Variants in RPTOR observed in about 807,000 individuals in gnomAD.
RPTOR encodes regulatory-associated protein of mTOR.
In RPTOR, 21 loss-of-function variants were observed where a neutral mutation model predicts 169.9. The observed-to-expected ratio is 0.12, with a 90% confidence interval of 0.09 to 0.18. RPTOR has a LOEUF of 0.18. RPTOR is among the 10% of genes least tolerant of loss of function. The probability of loss-of-function intolerance (pLI) is 1.00; values close to 1 mark genes in which losing one functional copy is unlikely to be tolerated. For synonymous variants in RPTOR, 732 were observed against 753.2 expected, an observed-to-expected ratio of 0.97 and a Z score of 0.46; for missense variants, 1,133 against 1,855.9, an observed-to-expected ratio of 0.61 and a Z score of 7.16.
intron 1 of RPTOR, among the ~76,000 whole-genome samples, chr17:80,615,404 A>G (rs534550179): frequency 4.6e-5 from 7 of 152,318 alleles, no homozygotes; most frequent in East Asian, 3.9e-4. Flanking sequence ...TAGCTGCAGG[A>G]GTCAGGACAC....
At chr17:80,663,552 C>T (rs1341505015) in intron 3 of RPTOR, among the ~76,000 whole-genome samples, 5 of 152,118 alleles carry the variant, frequency 3.3e-5, no homozygotes, top group African/African-American at 1.2e-4. Flanking sequence ...ACATTATTTC[C>T]CCTCAAACAG....
At chr17:80,642,948 A>G (rs1364499768) in intron 2 of RPTOR, among the ~76,000 whole-genome samples, 1 of 152,254 alleles carries the variant, frequency 6.6e-6, no homozygotes, top group African/African-American at 2.4e-5. Context: ...CTGCTCTTCT[A>G]CTAAACTTTT....
intron 1 of RPTOR, among the ~76,000 whole-genome samples, chr17:80,616,505 G>A (rs943131597): frequency 2.0e-5 from 3 of 152,054 alleles, no homozygotes; most frequent in African/African-American, 7.2e-5. Context: ...CACCATATTC[G>A]CCAGGCTGGT....
At position 80,609,133 on chromosome 17, in the gene RPTOR, C is replaced by T. The variant is rs941558419; in HGVS notation, c.163-16558C>T. 1.3e-5 allele frequency among the ~76,000 whole-genome samples: 2 copies of T among 152,138 alleles called. No homozygotes were observed. The highest frequency in any genetic ancestry group is 2.9e-5 in the Non-Finnish European group (2 of 68,010). ...CACAGCGCGACCCGTGTGGAGAGGG[C>T]ATCACTAGCCTGCCTCGGGCTGCAG... is the stretch of plus-strand genomic sequence containing the variant. On this transcript the variant is annotated intron_variant, in intron 1 of 33. Coordinates refer to ENST00000306801, the MANE Select transcript of RPTOR (RefSeq NM_020761.3). The surrounding 1 kb of genome is among the most constrained non-coding windows in gnomAD (Gnocchi z 4.8).
chr17:80,923,338 G>T, intron 22 of RPTOR, 152 bp from the exon 23 acceptor site: 2 of 811,336 alleles, frequency 2.5e-6, no homozygotes, highest in East Asian at 2.7e-5. Context: ...GCTGGGGTTC[G>T]GGAGCCATGA....
At chr17:80,818,107 T>C (rs943651580) in intron 7 of RPTOR, among the ~76,000 whole-genome samples, 1 of 152,208 alleles carries the variant, frequency 6.6e-6, no homozygotes, top group Non-Finnish European at 1.5e-5. Flanking sequence ...CTGCCACATC[T>C]GTTGTTGGAG....
rs1466918945 is a variant in RPTOR at position 80,923,501 on chromosome 17, C to T, written c.2636C>T (p.Pro879Leu). The T allele has an allele frequency of 3.7e-6, 6 of 1,613,254 alleles. No individual in the cohort carries two copies. Among genetic ancestry groups the T allele is most frequent in the Non-Finnish European group, 4.2e-6 (5 of 1,179,970 alleles). The change falls in exon 23 of 34, where the codon CCG (proline) becomes CTG (leucine). Residue 879 changes from proline (P) to leucine (L), a missense_variant. This residue lies in a region of RPTOR where 123 missense variants were observed against 129.0 expected (regional missense o/e 0.95). Coordinates refer to ENST00000306801, the MANE Select transcript of RPTOR (RefSeq NM_020761.3). Reference sequence around the variant, plus strand: ...TCTTCCAATGGCAGGGGCTCCCCTCCGGCGTCCAGCACCAGCAGCTCCAGC... The same window carrying T: ...TCTTCCAATGGCAGGGGCTCCCCTCTGGCGTCCAGCACCAGCAGCTCCAGC... ...VHIHQAGGSP[P>L]ASSTSSSSLT...
At chr17:80,916,639 C>T (rs992246420) in intron 21 of RPTOR, among the ~76,000 whole-genome samples, 2 of 152,242 alleles carry the variant, frequency 1.3e-5, no homozygotes, top group Admixed American at 1.3e-4. Flanking sequence ...GCTGGCAAAG[C>T]AATACCCCAA....
At chr17:80,743,799 ACAGCCCTGG>A in intron 5 of RPTOR, among the ~76,000 whole-genome samples, 1 of 131,294 alleles carries the variant, frequency 7.6e-6, no homozygotes, top group Non-Finnish European at 1.7e-5. Context: ...GGCTACTAGC[ACAGCCCTGG>A]CTACTAGCAG....
chr17:80,811,257 G>A (rs926334546), intron 7 of RPTOR, among the ~76,000 whole-genome samples: 11 of 152,140 alleles, frequency 7.2e-5, no homozygotes, highest in African/African-American at 2.2e-4. Context: ...GAGGAAGTGC[G>A]CTTCTAGACC....
In RPTOR at chr17:80,959,251, G is replaced by A. The variant is rs1026441752; in HGVS notation, c.3478-827G>A. Reference sequence around the variant, plus strand: ...GGGGGTCTTGCACCTGTCTGGAGCTGTGGCTCCACACGAGACGTAGCCCTC... The same window carrying A: ...GGGGGTCTTGCACCTGTCTGGAGCTATGGCTCCACACGAGACGTAGCCCTC... On this transcript the variant is annotated intron_variant, in intron 29 of 33. Transcript: ENST00000306801. This position sits in a 1 kb window ranked among gnomAD's most constrained non-coding sequence, Gnocchi z 6.7. Among the ~76,000 whole-genome samples the A allele has an allele frequency of 6.6e-6, 1 of 152,216 alleles. No individual in the cohort carries two copies. Among genetic ancestry groups the A allele is most frequent in the Admixed American group, 6.5e-5 (1 of 15,292 alleles).
intron 6 of RPTOR, among the ~76,000 whole-genome samples, chr17:80,760,592 G>C (rs1042758055): frequency 6.6e-6 from 1 of 152,104 alleles, no homozygotes; most frequent in Non-Finnish European, 1.5e-5. Context: ...ACGAGCCACC[G>C]CACCCAGCCT....
intron 6 of RPTOR, among the ~76,000 whole-genome samples, chr17:80,784,251 A>T (rs62944760): frequency 1.4e-5 from 2 of 146,024 alleles, no homozygotes; most frequent in African/African-American, 5.1e-5. Flanking sequence ...AAAAAAAAAA[A>T]CACATACTTT....
At chr17:80,706,358 A>G (rs2066141980) in intron 3 of RPTOR, among the ~76,000 whole-genome samples, 1 of 152,188 alleles carries the variant, frequency 6.6e-6, no homozygotes, top group Non-Finnish European at 1.5e-5. Flanking sequence ...AAGAGCAATG[A>G]TAGAACTGGA....
At chr17:80,884,970 G>C (rs371597114) in intron 16 of RPTOR, 38 bp from the exon 17 acceptor site, 1 of 1,592,260 alleles carries the variant, frequency 6.3e-7, no homozygotes, top group East Asian at 2.3e-5. Flanking sequence ...AGCATGGCCC[G>C]GTGTGGGACA....
chr17:80,958,755 T>C (rs1321681644), intron 29 of RPTOR, among the ~76,000 whole-genome samples: 1 of 152,194 alleles, frequency 6.6e-6, no homozygotes, highest in East Asian at 1.9e-4. Flanking sequence ...TTTTCAGTTT[T>C]GACAAAAAGC....
chr17:80,743,736 GC>G (rs1166450334), intron 5 of RPTOR, among the ~76,000 whole-genome samples: 20 of 139,722 alleles, frequency 1.4e-4, no homozygotes, highest in Admixed American at 5.5e-4. Flanking sequence ...CACAGCCCTG[GC>G]TACTAGCAGA....
intron 1 of RPTOR, among the ~76,000 whole-genome samples, chr17:80,570,491 C>T (rs571219948): frequency 1.3e-5 from 2 of 152,142 alleles, no homozygotes; most frequent in East Asian, 1.9e-4. Context: ...GACAGAGTCT[C>T]ACTCTGTCAC....
chr17:80,710,986 T>A (rs2066185166), intron 4 of RPTOR, among the ~76,000 whole-genome samples: 1 of 152,218 alleles, frequency 6.6e-6, no homozygotes, highest in African/African-American at 2.4e-5. Context: ...CTGGGTGGTA[T>A]TTTGTTTGTG....
Sources: allele counts gnomAD v4.1 joint callset (sites outside exome capture counted in the v4.1 genomes callset), GRCh38; gene constraint gnomAD v4.1.1; regional missense constraint gnomAD v4.1.1; non-coding constraint Gnocchi (gnomAD v3.1); transcripts MANE v1.5; gene names NCBI Gene and HGNC (gene_info 2026-07-23, HGNC 2026-07-21).